CD2AP: variants seen among roughly 807,000 people sequenced by gnomAD.
CD2AP encodes CD2 associated protein, also known as CD2-associated protein.
A neutral mutation model predicts 85.1 loss-of-function variants in CD2AP; 46 were observed. The observed-to-expected ratio is 0.54, with a 90% CI of 0.43 to 0.69. CD2AP has a LOEUF of 0.69. Among genes scored for constraint, CD2AP ranks in the 30% least tolerant of loss-of-function variants. The probability of loss-of-function intolerance (pLI) is 0.00; values close to 1 mark genes in which losing one functional copy is unlikely to be tolerated. For missense variants in CD2AP, 769 were observed against 729.5 expected, an observed-to-expected ratio of 1.05 and a Z score of -0.62; for synonymous variants, 255 against 252.9, an observed-to-expected ratio of 1.01 and a Z score of -0.08.
In CD2AP at chr6:47,558,474, C is replaced by G. The variant is rs1767755181; in HGVS notation, c.541+3708C>G. The stretch of plus-strand genomic sequence containing the variant: ...GGCTATGACTTTGTCATAAATAGCT[C>G]TTATTATATTGAGATATGTTCCATC... On this transcript the variant is annotated intron_variant, in intron 5 of 17. Transcript: ENST00000359314. Among the ~76,000 whole-genome samples the G allele has an allele frequency of 3.3e-5, 5 of 152,242 alleles. No individual in the cohort carries two copies. In the South Asian group the frequency reaches 1.0e-3, roughly 32 times the overall value.
intron 5 of CD2AP, among the ~76,000 whole-genome samples, chr6:47,568,738 C>T (rs1161016545): frequency 5.8e-5 from 5 of 86,536 alleles, no homozygotes; most frequent in African/African-American, 1.2e-4. Flanking sequence ...AGTGAGACTC[C>T]GTCTCAAATA....
At chr6:47,610,665 G>T (rs971981644) in intron 16 of CD2AP, among the ~76,000 whole-genome samples, 1 of 151,780 alleles carries the variant, frequency 6.6e-6, no homozygotes, top group African/African-American at 2.4e-5. Context: ...TATATATTAT[G>T]TATATAGAGG....
chr6:47,554,518 A>C (rs1767622672), intron 4 of CD2AP, 128 bp from the exon 5 acceptor site: 1 of 854,980 alleles, frequency 1.2e-6, no homozygotes, highest in African/African-American at 1.7e-5. Flanking sequence ...TTGTGTTTTA[A>C]ATTTTAAAGG....
chr6:47,505,132 C>A (rs1216124116), intron 2 of CD2AP, among the ~76,000 whole-genome samples: 3 of 85,590 alleles, frequency 3.5e-5, no homozygotes, highest in African/African-American at 1.2e-4. Context: ...AGCAGATAAA[C>A]AAGTGAACAA....
chr6:47,501,299 A>G (rs367549725), intron 1 of CD2AP, among the ~76,000 whole-genome samples: 4 of 152,188 alleles, frequency 2.6e-5, no homozygotes, highest in Admixed American at 2.0e-4. Flanking sequence ...GTTTAATTGT[A>G]TGTGATTAAG....
intron 4 of CD2AP, 180 bp downstream of exon 4, chr6:47,544,886 T>C (rs1248666194): frequency 3.8e-6 from 2 of 521,320 alleles, no homozygotes; most frequent in Non-Finnish European, 6.7e-6. Flanking sequence ...ATTTCCTGCC[T>C]TTAGGAATAA....
Position 47,599,311 on chromosome 6 carries a change from G to C in CD2AP, c.1285G>C (p.Glu429Gln). The C allele has an allele frequency of 1.2e-6, 2 of 1,611,888 alleles. No homozygotes were observed. The highest frequency in any genetic ancestry group is 1.7e-6 in the Non-Finnish European group (2 of 1,178,700). Residue 429 changes from glutamate (E) to glutamine (Q), a missense_variant, in exon 13 of 18, where the codon GAA becomes CAA. Physicochemically the swap from Glu to Gln is conservative, Grantham distance 29. Coordinates refer to ENST00000359314, the MANE Select transcript of CD2AP (RefSeq NM_012120.3). ...TTTTTCTTATTTCAGGATTAATGGG[G>C]AAGTTTCTAGCATTTCATCAAAATT... is the stretch of plus-strand genomic sequence containing the variant. ...PPPPIAKING[E>Q]VSSISSKFET...
rs762462951 is a variant in CD2AP, at chr6:47,608,008, G to A, written c.1612G>A (p.Asp538Asn). ...ANLKPSELKK[D>N]TCYSPKPSVY... ...CCTGAAGCCATCTGAATTAAAAAAA[G>A]ATACATGCTACTCTCCAAAGGTGAG... The change falls in exon 15 of 18, where the codon GAT becomes AAT. Residue 538 changes from aspartate (D) to asparagine (N), a missense_variant. Transcript: ENST00000359314. The A allele has an allele frequency of 6.2e-7, 1 of 1,611,844 alleles. No homozygotes were observed. The highest frequency in any genetic ancestry group is 2.2e-5 in the East Asian group (1 of 44,798).
intron 5 of CD2AP, 38 bp downstream of exon 5, chr6:47,554,804 A>G: frequency 6.6e-7 from 1 of 1,518,522 alleles, no homozygotes. Context: ...GATTTAAATA[A>G]ACTTTATATA....
chr6:47,498,296 C>G (rs1309535273), intron 1 of CD2AP, among the ~76,000 whole-genome samples: 2 of 152,128 alleles, frequency 1.3e-5, no homozygotes, highest in African/African-American at 4.8e-5. Flanking sequence ...TCCAGTATTG[C>G]CAATGAGAAG....
At chr6:47,521,547 G>A (rs549090994) in intron 2 of CD2AP, among the ~76,000 whole-genome samples, 4 of 152,118 alleles carry the variant, frequency 2.6e-5, no homozygotes, top group East Asian at 1.9e-4. Context: ...GTGAGACTCC[G>A]TCTCAAAAAA....
intron 5 of CD2AP, among the ~76,000 whole-genome samples, chr6:47,570,870 A>G (rs1439659512): frequency 6.6e-6 from 1 of 152,180 alleles, no homozygotes; most frequent in Non-Finnish European, 1.5e-5. Context: ...TTAATAGCAA[A>G]CGTGGTAGTA....
chr6:47,499,500 G>A (rs1249360939), intron 1 of CD2AP, among the ~76,000 whole-genome samples: 1 of 152,118 alleles, frequency 6.6e-6, no homozygotes, highest in South Asian at 2.1e-4. Flanking sequence ...CTGACATGGA[G>A]AAACTTGGCT....
chr6:47,527,952 A>G lies in CD2AP; in HGVS notation c.166-5650A>G, dbSNP rs533612077. Among the ~76,000 whole-genome samples, 6 of 152,270 alleles carry G rather than the reference A, an allele frequency of 3.9e-5. No individual in the cohort carries two copies. In the East Asian group the frequency reaches 1.2e-3, roughly 29 times the overall value. Reference sequence around the variant, plus strand: ...ATACCTGTAAATATATATTTGTGTCATATTGTTGGCTAAGAAGCTTCTGGG... The same window carrying G: ...ATACCTGTAAATATATATTTGTGTCGTATTGTTGGCTAAGAAGCTTCTGGG... On this transcript the variant is annotated intron_variant, in intron 2 of 17. Transcript: ENST00000359314.
At chr6:47,531,194 A>C (rs1216115734) in intron 2 of CD2AP, among the ~76,000 whole-genome samples, 2 of 152,112 alleles carry the variant, frequency 1.3e-5, no homozygotes, top group African/African-American at 2.4e-5. Flanking sequence ...GAGATTCCGA[A>C]ACTTTCTTGG....
chr6:47,609,500 A>T (rs561539242), intron 16 of CD2AP, 196 bp downstream of exon 16: 127 of 304,792 alleles, frequency 4.2e-4, no homozygotes, highest in African/African-American at 2.9e-3. Context: ...GACATGACAA[A>T]ACCCCATCTT....
chr6:47,520,708 C>T (rs1766565604), intron 2 of CD2AP, among the ~76,000 whole-genome samples: 1 of 149,556 alleles, frequency 6.7e-6, no homozygotes, highest in South Asian at 2.1e-4. Flanking sequence ...TCATTGCTAC[C>T]ATGGGCAGGA....
rs114815916 is a variant in CD2AP, at chr6:47,514,416, A to C, written c.165+10976A>C. Among the ~76,000 whole-genome samples, 1,202 of 152,334 alleles carry C rather than the reference A, an allele frequency of 7.9e-3. 14 individuals are homozygous for C. Among genetic ancestry groups the C allele is most frequent in the African/African-American group, 0.027 (1,122 of 41,572 alleles). ...AGATATTACTACATTCTTAACTTCA[A>C]TGTTTTAGACTAAAGTAGAGAATAA... On this transcript the variant is annotated intron_variant, in intron 2 of 17. Transcript: ENST00000359314.
intron 17 of CD2AP, among the ~76,000 whole-genome samples, chr6:47,620,254 G>C (rs1769709267): frequency 6.6e-6 from 1 of 152,176 alleles, no homozygotes; most frequent in South Asian, 2.1e-4. Flanking sequence ...GAAAGACGAG[G>C]ATCCAGTTTC....
Sources: allele counts gnomAD v4.1 joint callset (sites outside exome capture counted in the v4.1 genomes callset), GRCh38; gene constraint gnomAD v4.1.1; transcripts MANE v1.5; gene names NCBI Gene and HGNC (gene_info 2026-07-23, HGNC 2026-07-21).